Variants in ANTXR1 observed in about 807,000 individuals in gnomAD.
The protein encoded by ANTXR1 is ANTXR cell adhesion molecule 1.
In ANTXR1, 19 loss-of-function variants were observed where a neutral mutation model predicts 78.1. The observed-to-expected ratio is 0.24, with a 90% CI of 0.17 to 0.36. The LOEUF (loss-of-function observed/expected upper bound fraction) is 0.36. ANTXR1 is among the 10% of genes least tolerant of loss of function. ANTXR1 has a pLI of 1.00. For synonymous variants in ANTXR1, 273 were observed against 260.5 expected (o/e 1.05, Z -0.46); for missense variants, 518 against 718.6 (o/e 0.72, Z 3.19).
In ANTXR1 at chr2:69,181,711, A is replaced by G. The variant is rs964617064; in HGVS notation, c.1090-75A>G. 2.9e-6 allele frequency: 4 copies of G among 1,386,126 alleles called. No individual in the cohort carries two copies. In the East Asian group the frequency reaches 9.2e-5, roughly 32 times the overall value. 85.9% of individuals were successfully genotyped at this position (1,386,126 alleles called of 1,614,324 possible). A position where few individuals can be genotyped will look rare whatever the true frequency, so the allele number is the denominator to read the frequency against. ...TCTGACTCTATAAGCTCTACTCCTA[A>G]TCACTTGGCTGTAGTAGGCAGGTCC... On this transcript the variant is annotated intron_variant, in intron 14 of 17. Transcript: ENST00000303714.
intron 3 of ANTXR1, among the ~76,000 whole-genome samples, chr2:69,069,597 G>T (rs1670506736): frequency 6.6e-6 from 1 of 152,136 alleles, no homozygotes; most frequent in Admixed American, 6.5e-5. Context: ...CCTTTTTTGA[G>T]TCAGGTAGAT....
chr2:69,051,232 C>G (rs1422201749), intron 3 of ANTXR1, among the ~76,000 whole-genome samples: 1 of 151,660 alleles, frequency 6.6e-6, no homozygotes, highest in African/African-American at 2.4e-5. Context: ...GAGCTGAGAT[C>G]GCACCACTGC....
intron 11 of ANTXR1, 37 bp from the exon 12 acceptor site, chr2:69,124,528 C>T: frequency 6.3e-7 from 1 of 1,593,788 alleles, no homozygotes. Flanking sequence ...TCATTGCACG[C>T]CCTGCTGAGA....
At chr2:69,073,427 C>T (rs181468623) in intron 6 of ANTXR1, among the ~76,000 whole-genome samples, 10 of 152,164 alleles carry the variant, frequency 6.6e-5, no homozygotes, top group Admixed American at 5.9e-4. Flanking sequence ...AACAAATAAA[C>T]ATTGATATAA....
Position 69,245,239 on chromosome 2 carries a change from C to T in ANTXR1, c.1449C>T (p.Asn483=), listed in dbSNP as rs1292762537. Residue 483 remains asparagine (N), a synonymous_variant, in exon 18 of 18, where the codon AAC becomes AAT. Transcript: ENST00000303714. The part of the protein sequence containing the change: ...PQPGDTGRCI[N]FTRVKNNQPA... ...TTCTTTTCTAGGGGCGCTGCATCAA[C>T]TTCACCAGGGTCAAGAACAACCAGC... is the stretch of plus-strand genomic sequence containing the variant. The T allele has an allele frequency of 2.5e-6, 4 of 1,613,882 alleles. No individual in the cohort carries two copies. The highest frequency in any genetic ancestry group is 1.3e-5 in the African/African-American group (1 of 74,828).
intron 17 of ANTXR1, among the ~76,000 whole-genome samples, chr2:69,202,118 C>T (rs996097761): frequency 1.3e-5 from 2 of 152,048 alleles, no homozygotes; most frequent in African/African-American, 4.8e-5. Context: ...GAGGGGAAAC[C>T]AGGGAGAGGG....
At chr2:69,203,254 A>T (rs1674817830) in intron 17 of ANTXR1, among the ~76,000 whole-genome samples, 1 of 152,180 alleles carries the variant, frequency 6.6e-6, no homozygotes, top group Admixed American at 6.5e-5. Context: ...AAATTATAGG[A>T]AATGTTCCTA....
At chr2:69,049,695 G>T (rs1364613030) in intron 3 of ANTXR1, among the ~76,000 whole-genome samples, 2 of 152,148 alleles carry the variant, frequency 1.3e-5, no homozygotes, top group African/African-American at 2.4e-5. Context: ...TAAGGTGATT[G>T]TAGTATCTGT....
At chr2:69,243,832 G>A (rs765463462) in intron 17 of ANTXR1, among the ~76,000 whole-genome samples, 6 of 152,212 alleles carry the variant, frequency 3.9e-5, no homozygotes, top group Non-Finnish European at 8.8e-5. Context: ...GCCCAGCATA[G>A]AGGGCAGCCT....
At chr2:69,156,708 CA>C (rs1673535009) in intron 13 of ANTXR1, among the ~76,000 whole-genome samples, 2 of 152,176 alleles carry the variant, frequency 1.3e-5, no homozygotes, top group Admixed American at 1.3e-4. Context: ...ACACACTTTT[CA>C]ACAACCGGAT....
chr2:69,079,429 A>G (rs1670834155), intron 8 of ANTXR1, among the ~76,000 whole-genome samples: 1 of 152,170 alleles, frequency 6.6e-6, no homozygotes, highest in African/African-American at 2.4e-5. Flanking sequence ...TTGAAAAACC[A>G]GGGAAAGGTG....
At chr2:69,036,556 T>C (rs955502910) in intron 1 of ANTXR1, among the ~76,000 whole-genome samples, 2 of 152,170 alleles carry the variant, frequency 1.3e-5, no homozygotes, top group Non-Finnish European at 2.9e-5. Context: ...GATGAGGAAA[T>C]TGGACATGGG....
intron 13 of ANTXR1, among the ~76,000 whole-genome samples, chr2:69,163,186 A>G (rs1304565672): frequency 6.6e-6 from 1 of 152,110 alleles, no homozygotes; most frequent in Non-Finnish European, 1.5e-5. Flanking sequence ...GGAAGGAAGG[A>G]CATTCTTAGG....
chr2:69,023,443 GGTA>G (rs1226962776), intron 1 of ANTXR1, among the ~76,000 whole-genome samples: 1 of 151,480 alleles, frequency 6.6e-6, no homozygotes, highest in Non-Finnish European at 1.5e-5. Context: ...TGATGATAAT[GGTA>G]GTAGTGATGA....
intron 3 of ANTXR1, among the ~76,000 whole-genome samples, chr2:69,064,567 G>A (rs765212824): frequency 5.3e-5 from 8 of 152,164 alleles, no homozygotes; most frequent in Non-Finnish European, 1.0e-4. Context: ...GGGGACATTA[G>A]TATAACAGTC....
At chr2:69,239,177 G>T (rs2104530081) in intron 17 of ANTXR1, among the ~76,000 whole-genome samples, 1 of 152,318 alleles carries the variant, frequency 6.6e-6, no homozygotes, top group East Asian at 1.9e-4. Context: ...GCAATACAAA[G>T]CATTAGCCAA....
Position 69,035,694 on chromosome 2 carries a change from A to G in ANTXR1, c.153-4350A>G, listed in dbSNP as rs138513545. 2.0e-3 allele frequency among the ~76,000 whole-genome samples: 312 copies of G among 152,362 alleles called. 1 individual carries two copies. Among genetic ancestry groups the G allele is most frequent in the African/African-American group, 7.2e-3 (298 of 41,580 alleles). ...GTGTAAAGAATGATCACTTACATAC[A>G]TGAAGTGACAAACCCCAGCAGCGAC... On this transcript the variant is annotated intron_variant, in intron 1 of 17. Transcript: ENST00000303714.
intron 14 of ANTXR1, among the ~76,000 whole-genome samples, chr2:69,178,909 C>A (rs1674202630): frequency 6.6e-6 from 1 of 152,094 alleles, no homozygotes; most frequent in Admixed American, 6.5e-5. Flanking sequence ...GTTGAGTCCC[C>A]TGTGGAATAA....
chr2:69,030,955 G>A (rs767107162), intron 1 of ANTXR1, among the ~76,000 whole-genome samples: 3 of 152,142 alleles, frequency 2.0e-5, no homozygotes, highest in Non-Finnish European at 4.4e-5. Flanking sequence ...ATAAGCTGGC[G>A]AACTATGGCC....
Sources: allele counts gnomAD v4.1 joint callset (sites outside exome capture counted in the v4.1 genomes callset), GRCh38; gene constraint gnomAD v4.1.1; transcripts MANE v1.5; gene names NCBI Gene and HGNC (gene_info 2026-07-23, HGNC 2026-07-21).